Variants in PCDHGB2 observed in about 807,000 individuals in gnomAD.
PCDHGB2 encodes the protein protocadherin gamma subfamily B, 2, also known as protocadherin gamma-B2.
Under a neutral mutation model 59.3 loss-of-function variants are expected in PCDHGB2, and 55 were observed. That is an observed-to-expected ratio of 0.93 (90% CI 0.75 to 1.16). The LOEUF (loss-of-function observed/expected upper bound fraction) is 1.16, where lower values mean the gene tolerates loss of function less well. Among genes scored for constraint, PCDHGB2 ranks in the 50% most tolerant of loss-of-function variants. PCDHGB2 has a pLI of 0.00. For synonymous variants in PCDHGB2, 516 were observed against 512.0 expected, an observed-to-expected ratio of 1.01 and a Z score of -0.11; for missense variants, 1,228 against 1,198.5, an observed-to-expected ratio of 1.02 and a Z score of -0.36.
chr5:141,419,258 C>A, intron 1 of PCDHGB2: 3 of 1,614,028 alleles, frequency 1.9e-6, no homozygotes, highest in Non-Finnish European at 2.5e-6. Flanking sequence ...AAACAACCAG[C>A]CGGGTGCCTC....
At chr5:141,474,156 A>C (rs1387216017) in intron 1 of PCDHGB2, among the ~76,000 whole-genome samples, 1 of 152,244 alleles carries the variant, frequency 6.6e-6, no homozygotes, top group East Asian at 1.9e-4. Flanking sequence ...CAAGAAAATG[A>C]CAGGCCTTAT....
intron 1 of PCDHGB2, chr5:141,419,810 C>G (rs368168278): frequency 1.7e-5 from 27 of 1,613,946 alleles, no homozygotes; most frequent in Non-Finnish European, 2.1e-5. Context: ...AGATGGAGGA[C>G]AGCCACCCCT....
At chr5:141,483,988 G>A (rs78891657) in intron 1 of PCDHGB2, among the ~76,000 whole-genome samples, 1,520 of 149,036 alleles carry the variant, frequency 0.01, 30 homozygotes, top group African/African-American at 0.037. Flanking sequence ...TAGCTAGGTT[G>A]CTGGGAGGTC....
At chr5:141,414,829 T>C (rs746789783) in intron 1 of PCDHGB2, 18 of 1,614,078 alleles carry the variant, frequency 1.1e-5, no homozygotes, top group Non-Finnish European at 1.5e-5. Context: ...CAACGTGTCG[T>C]TGAGCCTGTT....
chr5:141,365,691 A>C, intron 1 of PCDHGB2: 5 of 1,613,420 alleles, frequency 3.1e-6, no homozygotes, highest in Non-Finnish European at 4.2e-6. Context: ...AATTTCCCTC[A>C]AGCCTCCTAC....
At position 141,489,157 on chromosome 5, in the gene PCDHGB2, C is replaced by A. The variant is rs1222682069; in HGVS notation, c.2422-5650C>A. 1.0e-6 allele frequency: 1 copy of A among 984,444 alleles called. No homozygotes were observed. The highest frequency in any genetic ancestry group is 1.6e-5 in the African/African-American group (1 of 61,296). The allele number at this position is 984,444 out of a possible 1,614,324, so 61.0% of individuals were successfully genotyped here. On this transcript the variant is annotated intron_variant, in intron 1 of 3. Coordinates refer to ENST00000522605, the MANE Select transcript of PCDHGB2 (RefSeq NM_018923.3). This position sits in a 1 kb window ranked among gnomAD's most constrained non-coding sequence, Gnocchi z 4.5. ...AGAGGCTGGAAGGAGACATAAGAGA[C>A]TTCAGCTGCTGCATTCCAAGCCCTG...
intron 1 of PCDHGB2, chr5:141,385,286 A>G: frequency 3.1e-6 from 5 of 1,613,826 alleles, no homozygotes; most frequent in Non-Finnish European, 4.2e-6. Flanking sequence ...ACATCCGTAG[A>G]TTTTCAGGAA....
intron 1 of PCDHGB2, chr5:141,400,525 G>T: frequency 1.2e-6 from 2 of 1,613,908 alleles, no homozygotes; most frequent in Non-Finnish European, 1.7e-6. Flanking sequence ...TCCTGAGTTG[G>T]TGAGTTTCAT....
chr5:141,374,994 C>T, intron 1 of PCDHGB2: 1 of 1,614,038 alleles, frequency 6.2e-7, no homozygotes, highest in Non-Finnish European at 8.5e-7. Context: ...ATTTCAACTT[C>T]TGCAAATCTA....
chr5:141,455,577 C>T (rs1000865176), intron 1 of PCDHGB2, among the ~76,000 whole-genome samples: 3 of 152,120 alleles, frequency 2.0e-5, no homozygotes, highest in East Asian at 1.9e-4. Context: ...CCCACCCCAG[C>T]CTTTTAATAT....
Position 141,431,054 on chromosome 5 carries a change from G to A in PCDHGB2, c.2422-63753G>A, listed in dbSNP as rs532584174. 1 of 1,614,198 alleles carries A rather than the reference G, an allele frequency of 6.2e-7. No individual in the cohort carries two copies. Among genetic ancestry groups the A allele is most frequent in the African/African-American group, 1.3e-5 (1 of 75,076 alleles). ...AGACCGGGAGGAGCTCTGTATGGGG[G>A]CCATCAAGTGTCAATTAAATCTAGA... On this transcript the variant is annotated intron_variant, in intron 1 of 3. Transcript: ENST00000522605. This position sits in a 1 kb window ranked among gnomAD's most constrained non-coding sequence, Gnocchi z 4.8.
At position 141,485,727 on chromosome 5, in the gene PCDHGB2, G is replaced by T. The variant is rs773176318; in HGVS notation, c.2422-9080G>T. The T allele has an allele frequency of 3.1e-6, 5 of 1,614,196 alleles. No homozygotes were observed. In the Admixed American group the frequency reaches 5.0e-5, roughly 16 times the overall value. Reference sequence around the variant, plus strand: ...CACTTTGCACTGGATGTGAAGAAGCGCAGCGACGGCAGCCTGGTCCCAGAG... The same window carrying T: ...CACTTTGCACTGGATGTGAAGAAGCTCAGCGACGGCAGCCTGGTCCCAGAG... On this transcript the variant is annotated intron_variant, in intron 1 of 3. Transcript: ENST00000522605. The surrounding 1 kb of genome is among the most constrained non-coding windows in gnomAD (Gnocchi z 5.7).
Position 141,486,446 on chromosome 5 carries a change from G to T in PCDHGB2, c.2422-8361G>T. ...GGCCAAATCTAGCTATGACATCATGGTCACTGCTTCTGATGCTGGGAACCC... is the reference window on the plus strand; with the variant it reads ...GGCCAAATCTAGCTATGACATCATGTTCACTGCTTCTGATGCTGGGAACCC... On this transcript the variant is annotated intron_variant, in intron 1 of 3. Coordinates refer to ENST00000522605, the MANE Select transcript of PCDHGB2 (RefSeq NM_018923.3). The surrounding 1 kb of genome is among the most constrained non-coding windows in gnomAD (Gnocchi z 5.0). 2 of 1,614,126 alleles carry T rather than the reference G, an allele frequency of 1.2e-6. No individual in the cohort carries two copies. Among genetic ancestry groups the T allele is most frequent in the Non-Finnish European group, 1.7e-6 (2 of 1,180,004 alleles).
At chr5:141,392,896 G>C in intron 1 of PCDHGB2, 2 of 1,613,812 alleles carry the variant, frequency 1.2e-6, no homozygotes, top group South Asian at 1.1e-5. Flanking sequence ...GAAATCGGGA[G>C]GGGACAGATT....
chr5:141,462,552 T>G (rs966816379), intron 1 of PCDHGB2, among the ~76,000 whole-genome samples: 4 of 152,194 alleles, frequency 2.6e-5, no homozygotes, highest in African/African-American at 9.6e-5. Context: ...TCTTCTTCAG[T>G]GTTTACTGTA....
chr5:141,431,901 A>G lies in PCDHGB2; in HGVS notation c.2422-62906A>G, dbSNP rs1373642371. 5.0e-6 allele frequency: 8 copies of G among 1,613,872 alleles called. No homozygotes were observed. The highest frequency in any genetic ancestry group is 1.6e-4 in the Middle Eastern group (1 of 6,062). On this transcript the variant is annotated intron_variant, in intron 1 of 3. Coordinates refer to ENST00000522605, the MANE Select transcript of PCDHGB2 (RefSeq NM_018923.3). This position sits in a 1 kb window ranked among gnomAD's most constrained non-coding sequence, Gnocchi z 4.8. Reference sequence around the variant, plus strand: ...GACCAAGATTCTGAGGAAAACGGACAGGTGATCTGTTTCATCCAAGGAAAT... The same window carrying G: ...GACCAAGATTCTGAGGAAAACGGACGGGTGATCTGTTTCATCCAAGGAAAT...
rs1383420491 is a variant in PCDHGB2 at position 141,384,736 on chromosome 5, G to A, written c.2421+22180G>A. On this transcript the variant is annotated intron_variant, in intron 1 of 3. Transcript: ENST00000522605. ...GTCATACCTCCTGCTTAAGGCCAGC[G>A]AGCCAGGACTCTTTGCGGTTGGGCT... 3.7e-6 allele frequency: 6 copies of A among 1,613,938 alleles called. No homozygotes were observed. Among genetic ancestry groups the A allele is most frequent in the African/African-American group, 2.7e-5 (2 of 74,932 alleles).
intron 1 of PCDHGB2, chr5:141,408,089 G>C: frequency 7.0e-7 from 1 of 1,424,386 alleles, no homozygotes; most frequent in Non-Finnish European, 9.2e-7. Flanking sequence ...ACAGCGGATT[G>C]CCAGCTCCGA....
intron 1 of PCDHGB2, chr5:141,418,804 T>C (rs368948947): frequency 3.3e-5 from 54 of 1,613,718 alleles, no homozygotes; most frequent in African/African-American, 5.3e-5. Flanking sequence ...TAGAAAGATA[T>C]ACGATAAACA....
Sources: gnomAD v4.1 joint callset for allele counts (sites outside exome capture counted in the v4.1 genomes callset) on GRCh38, gnomAD v4.1.1 for gene constraint, Gnocchi (gnomAD v3.1) non-coding constraint, MANE v1.5 for transcripts, NCBI Gene and HGNC (gene_info 2026-07-23, HGNC 2026-07-21) for gene names.